GATB: variants seen among roughly 807,000 people sequenced by gnomAD.
The protein encoded by GATB is glutamyl-tRNA amidotransferase subunit B.
Under a neutral mutation model 62.3 loss-of-function variants are expected in GATB, and 39 were observed. That is an observed-to-expected ratio of 0.63 (90% CI 0.48 to 0.82). The LOEUF (loss-of-function observed/expected upper bound fraction) is 0.82. Among genes scored for constraint, GATB ranks in the 40% least tolerant of loss-of-function variants. GATB has a pLI of 0.00. For synonymous variants in GATB, 276 were observed against 258.9 expected (o/e 1.07, Z -0.63); for missense variants, 670 against 684.0 (o/e 0.98, Z 0.23).
At chr4:151,694,874 C>T (rs1368086254) in intron 9 of GATB, among the ~76,000 whole-genome samples, 4 of 152,210 alleles carry the variant, frequency 2.6e-5, no homozygotes, top group Non-Finnish European at 5.9e-5. Context: ...AAACAATCCA[C>T]TTAACAACCA....
intron 12 of GATB, 87 bp from the exon 13 acceptor site, chr4:151,671,389 A>AAATT: frequency 7.5e-7 from 1 of 1,338,236 alleles, no homozygotes; most frequent in Non-Finnish European, 1.1e-6. Flanking sequence ...AGTTTACTGA[A>AAATT]AATTAAATTC....
intron 9 of GATB, among the ~76,000 whole-genome samples, chr4:151,689,689 G>C (rs1365503137): frequency 6.6e-6 from 1 of 151,950 alleles, no homozygotes; most frequent in Non-Finnish European, 1.5e-5. Flanking sequence ...CCTAATATCA[G>C]CAGACGGAAT....
chr4:151,688,805 A>G, intron 9 of GATB, 42 bp from the exon 10 acceptor site: 2 of 1,555,512 alleles, frequency 1.3e-6, no homozygotes, highest in Non-Finnish European at 1.7e-6. Context: ...AGCCTCCCCA[A>G]AAATGAAAGA....
intron 2 of GATB, among the ~76,000 whole-genome samples, chr4:151,725,646 C>CTAA (rs1202651238): frequency 6.6e-6 from 1 of 152,134 alleles, no homozygotes; most frequent in African/African-American, 2.4e-5. Context: ...AAAGGGTTTG[C>CTAA]TAAGCAAATT....
chr4:151,739,603 A>C (rs1459645423), intron 2 of GATB, among the ~76,000 whole-genome samples: 2 of 152,202 alleles, frequency 1.3e-5, no homozygotes, highest in African/African-American at 4.8e-5. Context: ...GTATAAACAA[A>C]GAATTCCGCA....
intron 11 of GATB, among the ~76,000 whole-genome samples, chr4:151,679,455 G>A (rs1374895936): frequency 1.3e-5 from 2 of 152,172 alleles, no homozygotes; most frequent in Non-Finnish European, 2.9e-5. Flanking sequence ...CGGTGTGGGG[G>A]CGGGACAAGA....
chr4:151,744,628 T>C (rs1030995676), intron 2 of GATB, among the ~76,000 whole-genome samples: 1 of 151,986 alleles, frequency 6.6e-6, no homozygotes, highest in African/African-American at 2.4e-5. Flanking sequence ...ATTATTAATA[T>C]GGTTAGGTTT....
intron 5 of GATB, 114 bp downstream of exon 5, chr4:151,715,895 A>G (rs1560854326): frequency 8.1e-7 from 1 of 1,241,100 alleles, no homozygotes; most frequent in Non-Finnish European, 1.1e-6. Context: ...GGCTGGGGAA[A>G]AAATGGCTGC....
chr4:151,750,567 G>A (rs1419445849), intron 2 of GATB, among the ~76,000 whole-genome samples: 1 of 152,062 alleles, frequency 6.6e-6, no homozygotes, highest in East Asian at 1.9e-4. Context: ...CAAGATAAGA[G>A]AATAACAATA....
intron 2 of GATB, chr4:151,724,395 A>G (rs1177805826): frequency 6.6e-6 from 1 of 152,262 alleles, no homozygotes; most frequent in Non-Finnish European, 1.5e-5. Context: ...TCTCTCTTCC[A>G]CACCTCTCCT....
rs1553966486 is a variant in GATB, at chr4:151,686,663, A to AG, written c.1331+1966_1331+1967insC. 3.5e-4 allele frequency among the ~76,000 whole-genome samples: 24 copies of AG among 68,488 alleles called. 1 individual carries two copies. The highest frequency in any genetic ancestry group is 7.7e-4 in the Admixed American group (5 of 6,462). The allele number at this position is 68,488 out of a possible 152,430, so 44.9% of individuals were successfully genotyped here. A position where few individuals can be genotyped will look rare whatever the true frequency, so the allele number is the denominator to read the frequency against. The stretch of plus-strand genomic sequence containing the variant: ...CCAGTCCCCGCCCCGCCCCCCCCCC[A>AG]CCCCCCAGTTTCCTGGTTTTCCTTC... On this transcript the variant is annotated intron_variant, in intron 10 of 12. Coordinates refer to ENST00000263985, the MANE Select transcript of GATB (RefSeq NM_004564.3).
chr4:151,749,121 A>T (rs1392043459), intron 2 of GATB, among the ~76,000 whole-genome samples: 1 of 152,218 alleles, frequency 6.6e-6, no homozygotes, highest in Non-Finnish European at 1.5e-5. Context: ...AGGGATCTAG[A>T]ACTAGAAATA....
intron 12 of GATB, among the ~76,000 whole-genome samples, chr4:151,671,630 ATCTC>A (rs375055360): frequency 6.6e-6 from 1 of 152,126 alleles, no homozygotes; most frequent in Non-Finnish European, 1.5e-5. Context: ...GGGAGGGATA[ATCTC>A]TCTGAGATGA....
intron 2 of GATB, among the ~76,000 whole-genome samples, chr4:151,728,889 T>C (rs1279153415): frequency 6.6e-6 from 1 of 152,202 alleles, no homozygotes; most frequent in Non-Finnish European, 1.5e-5. Context: ...GTATTCACTA[T>C]TGATATGAAT....
At chr4:151,682,856 G>A (rs1228705593) in intron 10 of GATB, among the ~76,000 whole-genome samples, 6 of 152,158 alleles carry the variant, frequency 3.9e-5, no homozygotes, top group South Asian at 4.1e-4. Flanking sequence ...TTCATCTCAC[G>A]GATTTCGCAG....
intron 2 of GATB, among the ~76,000 whole-genome samples, chr4:151,744,302 C>A (rs1739553300): frequency 6.6e-6 from 1 of 152,168 alleles, no homozygotes; most frequent in South Asian, 2.1e-4. Context: ...ACAAGGGGTG[C>A]TATACACATG....
At chr4:151,703,059 G>C (rs1042286271) in intron 8 of GATB, 10 of 152,230 alleles carry the variant, frequency 6.6e-5, no homozygotes, top group African/African-American at 2.2e-4. Flanking sequence ...GAATAAAGTG[G>C]GCCCCTGGGA....
At chr4:151,721,928 C>T in intron 2 of GATB, 1 of 478,664 alleles carries the variant, frequency 2.1e-6, no homozygotes, top group Admixed American at 3.9e-5. Context: ...GAGAAGAAGG[C>T]AGTAAAACAC....
At chr4:151,697,631 A>G (rs940530680) in intron 9 of GATB, among the ~76,000 whole-genome samples, 2 of 150,140 alleles carry the variant, frequency 1.3e-5, no homozygotes, top group African/African-American at 4.9e-5. Flanking sequence ...TAAATTTTAT[A>G]ATCATAAATA....
Sources: gnomAD v4.1 joint callset for allele counts (sites outside exome capture counted in the v4.1 genomes callset) on GRCh38, gnomAD v4.1.1 for gene constraint, MANE v1.5 for transcripts, NCBI Gene and HGNC (gene_info 2026-07-23, HGNC 2026-07-21) for gene names.